The following PKIB variants were observed in gnomAD, a reference collection of about 807,000 sequenced individuals.
PKIB encodes cAMP-dependent protein kinase inhibitor beta, also known as PKI-beta.
A neutral mutation model predicts 4.5 loss-of-function variants in PKIB; 2 were observed. The observed-to-expected ratio is 0.44, with a 90% confidence interval of 0.18 to 1.39. The LOEUF (loss-of-function observed/expected upper bound fraction) is 1.39. Among genes scored for constraint, PKIB ranks in the 40% most tolerant of loss-of-function variants. The probability of loss-of-function intolerance (pLI) is 0.27; values close to 1 mark genes in which losing one functional copy is unlikely to be tolerated. For missense variants in PKIB, 94 were observed against 92.6 expected (o/e 1.02, Z -0.06); for synonymous variants, 38 against 36.0 (o/e 1.06, Z -0.20).
intron 2 of PKIB, among the ~76,000 whole-genome samples, chr6:122,514,976 G>A (rs763567021): frequency 9.2e-5 from 14 of 152,158 alleles, no homozygotes; most frequent in Non-Finnish European, 1.9e-4. Flanking sequence ...AGAGTAAATG[G>A]TACAGTTTGG....
At chr6:122,549,647 T>G (rs2114652398) in intron 2 of PKIB, among the ~76,000 whole-genome samples, 1 of 152,052 alleles carries the variant, frequency 6.6e-6, no homozygotes, top group African/African-American at 2.4e-5. Flanking sequence ...AAAATTAAAT[T>G]TACTTTTGAA....
chr6:122,663,247 G>A (rs1454611938), intron 2 of PKIB, among the ~76,000 whole-genome samples: 1 of 152,076 alleles, frequency 6.6e-6, no homozygotes, highest in East Asian at 1.9e-4. Context: ...TCTGATCCTG[G>A]TTTTGCTTAT....
chr6:122,662,349 CTTG>C lies in PKIB; in HGVS notation c.-75-12724_-75-12722del, dbSNP rs1243015056. On this transcript the variant is annotated intron_variant, in intron 2 of 4. Transcript: ENST00000368452. ...TTTTTTTTTTTTTTGGAGATTCATTCTTGTTGTCCAGGCTGGAGTGCAATGGCA... is the reference window on the plus strand; with the variant it reads ...TTTTTTTTTTTTTTGGAGATTCATTCTTGTCCAGGCTGGAGTGCAATGGCA... 3.9e-4 allele frequency among the ~76,000 whole-genome samples: 16 copies of C among 40,900 alleles called. No homozygotes were observed. The Admixed American group carries it at 4.8e-3, about 12-fold the overall frequency. The allele number at this position is 40,900 out of a possible 152,430, so 26.8% of individuals were successfully genotyped here. A position where few individuals can be genotyped will look rare whatever the true frequency, so the allele number is the denominator to read the frequency against.
At chr6:122,521,552 C>G (rs994678767) in intron 2 of PKIB, among the ~76,000 whole-genome samples, 7 of 151,814 alleles carry the variant, frequency 4.6e-5, no homozygotes, top group Non-Finnish European at 1.0e-4. Flanking sequence ...TGGTGGTGGG[C>G]GCCTGTAGTC....
chr6:122,571,308 A>C (rs1326465870), intron 2 of PKIB, among the ~76,000 whole-genome samples: 1 of 152,210 alleles, frequency 6.6e-6, no homozygotes, highest in African/African-American at 2.4e-5. Flanking sequence ...AGAGAAGTCT[A>C]AGAGTTTGGA....
intron 3 of PKIB, among the ~76,000 whole-genome samples, chr6:122,588,073 G>T (rs1773904249): frequency 2.6e-5 from 4 of 152,086 alleles, no homozygotes; most frequent in Admixed American, 2.0e-4. Context: ...ATTGCTTTTG[G>T]TGTTTTAGAC....
intron 2 of PKIB, among the ~76,000 whole-genome samples, chr6:122,485,272 G>T (rs1456573647): frequency 6.6e-6 from 1 of 151,538 alleles, no homozygotes; most frequent in African/African-American, 2.4e-5. Flanking sequence ...AGAATAAAAT[G>T]AGACAAAATG....
intron 2 of PKIB, among the ~76,000 whole-genome samples, chr6:122,487,438 A>T (rs1775800968): frequency 1.3e-5 from 2 of 152,184 alleles, no homozygotes. Flanking sequence ...TTGAAACCTA[A>T]TCACCAGTGT....
At chr6:122,569,673 C>T (rs898771277) in intron 2 of PKIB, among the ~76,000 whole-genome samples, 1 of 152,174 alleles carries the variant, frequency 6.6e-6, no homozygotes, top group African/African-American at 2.4e-5. Flanking sequence ...AGACATTCCT[C>T]AGCACCAGTC....
intron 2 of PKIB, among the ~76,000 whole-genome samples, chr6:122,671,726 C>A (rs1336929152): frequency 6.6e-6 from 1 of 152,062 alleles, no homozygotes; most frequent in Non-Finnish European, 1.5e-5. Context: ...GCATAAATTT[C>A]TATTTTTACA....
chr6:122,635,493 G>C, intron 2 of PKIB, among the ~76,000 whole-genome samples: 1 of 120,490 alleles, frequency 8.3e-6, no homozygotes. Context: ...TGAATTCTTT[G>C]AAAGAGAAAA....
intron 2 of PKIB, among the ~76,000 whole-genome samples, chr6:122,489,994 T>A (rs1314299026): frequency 6.6e-6 from 1 of 152,212 alleles, no homozygotes; most frequent in African/African-American, 2.4e-5. Flanking sequence ...CAAAAAAATG[T>A]CATGTGCTTT....
At chr6:122,580,346 CTGG>C (rs1773667722) in intron 2 of PKIB, among the ~76,000 whole-genome samples, 1 of 152,012 alleles carries the variant, frequency 6.6e-6, no homozygotes, top group South Asian at 2.1e-4. Flanking sequence ...ACTGGGACCT[CTGG>C]AAAATGATGT....
intron 3 of PKIB, among the ~76,000 whole-genome samples, chr6:122,690,933 T>TATATATATATA (rs397788048): frequency 9.8e-4 from 110 of 112,414 alleles, no homozygotes; most frequent in African/African-American, 3.2e-3. Flanking sequence ...TATATATATA[T>TATATATATATA]TTTTTTTTTT....
intron 2 of PKIB, chr6:122,643,976 G>C (rs1319935060): frequency 6.6e-6 from 1 of 151,762 alleles, no homozygotes; most frequent in Admixed American, 6.6e-5. Flanking sequence ...CTGTAGTGCG[G>C]CTTAAAAAAA....
chr6:122,547,251 T>C (rs1387128998), intron 2 of PKIB, among the ~76,000 whole-genome samples: 2 of 151,768 alleles, frequency 1.3e-5, no homozygotes, highest in Non-Finnish European at 2.9e-5. Context: ...GGTGGATGGG[T>C]GGGAGATAGC....
intron 2 of PKIB, among the ~76,000 whole-genome samples, chr6:122,486,261 A>G (rs1775764225): frequency 6.6e-6 from 1 of 152,150 alleles, no homozygotes; most frequent in Non-Finnish European, 1.5e-5. Flanking sequence ...TCAGATGATA[A>G]AAAGTCCTCC....
At chr6:122,659,209 G>A (rs901901508) in intron 2 of PKIB, among the ~76,000 whole-genome samples, 5 of 152,068 alleles carry the variant, frequency 3.3e-5, no homozygotes, top group African/African-American at 9.7e-5. Context: ...AATTGACTTA[G>A]CAAGTTAATG....
intron 2 of PKIB, among the ~76,000 whole-genome samples, chr6:122,673,049 CCA>C (rs919717806): frequency 6.6e-6 from 1 of 151,810 alleles, no homozygotes; most frequent in Admixed American, 6.6e-5. Context: ...TCAAAGTCCA[CCA>C]CATAGGTATA....
Sources: gnomAD v4.1 joint callset for allele counts (sites outside exome capture counted in the v4.1 genomes callset) on GRCh38, gnomAD v4.1.1 for gene constraint, MANE v1.5 for transcripts, NCBI Gene and HGNC (gene_info 2026-07-23, HGNC 2026-07-21) for gene names.